The following ST7 variants were observed in gnomAD, a reference collection of about 807,000 sequenced individuals.
ST7 encodes the protein suppression of tumorigenicity 7.
ST7 carries 28 observed loss-of-function variants against 78.7 expected under a neutral mutation model. The observed-to-expected ratio is 0.36, with a 90% CI of 0.26 to 0.49. The LOEUF (loss-of-function observed/expected upper bound fraction) is 0.49. ST7 is among the 20% of genes least tolerant of loss of function. The pLI is 0.99. For missense variants in ST7, 418 were observed against 696.0 expected, an observed-to-expected ratio of 0.60 and a Z score of 4.49; for synonymous variants, 247 against 249.6, an observed-to-expected ratio of 0.99 and a Z score of 0.10.
intron 1 of ST7, among the ~76,000 whole-genome samples, chr7:116,996,914 C>T (rs1794685295): frequency 6.6e-6 from 1 of 152,178 alleles, no homozygotes. Context: ...AGAAATATCC[C>T]ATACCCTATG....
intron 1 of ST7, among the ~76,000 whole-genome samples, chr7:117,088,488 A>T (rs988316817): frequency 6.6e-6 from 1 of 152,212 alleles, no homozygotes; most frequent in African/African-American, 2.4e-5. Flanking sequence ...TACATTTCTT[A>T]GTTATTTCCA....
At chr7:117,089,627 A>G (rs1172842443) in intron 1 of ST7, among the ~76,000 whole-genome samples, 1 of 148,878 alleles carries the variant, frequency 6.7e-6, no homozygotes, top group African/African-American at 2.5e-5. Context: ...GCTGGAGTGC[A>G]ATGGCGCGAT....
At chr7:117,227,786 G>A (rs770920530) in intron 15 of ST7, among the ~76,000 whole-genome samples, 33 of 152,244 alleles carry the variant, frequency 2.2e-4, no homozygotes, top group Non-Finnish European at 3.7e-4. Context: ...AACTGAAAAA[G>A]ATAGGCCATC....
chr7:117,108,994 T>C (rs971926496), intron 2 of ST7, among the ~76,000 whole-genome samples: 3 of 152,178 alleles, frequency 2.0e-5, no homozygotes, highest in Non-Finnish European at 4.4e-5. Flanking sequence ...CCTGGGAGCT[T>C]TTTGGATGAG....
chr7:117,072,756 T>G (rs1249489421), intron 1 of ST7: 1 of 152,208 alleles, frequency 6.6e-6, no homozygotes, highest in Non-Finnish European at 1.5e-5. Context: ...TGTCACTTCT[T>G]GGGTTCTGGC....
At chr7:117,028,716 T>A (rs1395247591) in intron 1 of ST7, among the ~76,000 whole-genome samples, 1 of 152,230 alleles carries the variant, frequency 6.6e-6, no homozygotes, top group Admixed American at 6.5e-5. Context: ...GTGGGTTGAC[T>A]GGACTCCATT....
intron 1 of ST7, among the ~76,000 whole-genome samples, chr7:117,064,842 G>A (rs2116466406): frequency 1.3e-5 from 2 of 152,294 alleles, no homozygotes; most frequent in South Asian, 4.2e-4. Flanking sequence ...CCATGGAACA[G>A]GAGTTGATGG....
intron 1 of ST7, among the ~76,000 whole-genome samples, chr7:117,059,670 A>T (rs757748663): frequency 1.3e-5 from 2 of 151,948 alleles, no homozygotes; most frequent in Non-Finnish European, 2.9e-5. Context: ...TGTGGATCTT[A>T]ATATTAAATC....
At chr7:116,980,813 G>A (rs1018927663) in intron 1 of ST7, among the ~76,000 whole-genome samples, 1 of 152,174 alleles carries the variant, frequency 6.6e-6, no homozygotes, top group African/African-American at 2.4e-5. Flanking sequence ...AATAACCACA[G>A]TATACTCATC....
intron 1 of ST7, among the ~76,000 whole-genome samples, chr7:116,973,494 C>A (rs960346326): frequency 6.6e-6 from 1 of 152,124 alleles, no homozygotes; most frequent in Non-Finnish European, 1.5e-5. Flanking sequence ...TGGGCTCAAG[C>A]GATGCTACTG....
At chr7:116,973,447 G>T (rs1793540059) in intron 1 of ST7, among the ~76,000 whole-genome samples, 1 of 152,110 alleles carries the variant, frequency 6.6e-6, no homozygotes, top group African/African-American at 2.4e-5. Context: ...TGTAAAGATG[G>T]GGTCTCCCCA....
chr7:117,096,312 C>G (rs1801038910), intron 1 of ST7, among the ~76,000 whole-genome samples: 1 of 152,174 alleles, frequency 6.6e-6, no homozygotes. Flanking sequence ...ACTAGATTCT[C>G]CCCCTTCTCA....
At chr7:117,084,020 T>A (rs990825675) in intron 1 of ST7, among the ~76,000 whole-genome samples, 1 of 152,204 alleles carries the variant, frequency 6.6e-6, no homozygotes, top group African/African-American at 2.4e-5. Flanking sequence ...AATACTTGAG[T>A]CTGAGATTCT....
chr7:116,971,989 G>A (rs758076781), intron 1 of ST7, among the ~76,000 whole-genome samples: 25 of 152,284 alleles, frequency 1.6e-4, no homozygotes, highest in Admixed American at 5.9e-4. Flanking sequence ...TGGAATCTCC[G>A]GGAAGAGGCA....
intron 3 of ST7, among the ~76,000 whole-genome samples, chr7:117,121,521 T>C (rs1803362344): frequency 6.6e-6 from 1 of 152,218 alleles, no homozygotes; most frequent in African/African-American, 2.4e-5. Context: ...TAGACAGTTA[T>C]GAAATGTGGA....
chr7:117,097,908 A>ATATATATATATATATTTTTTTTTT, intron 1 of ST7, among the ~76,000 whole-genome samples: 12 of 30,010 alleles, frequency 4.0e-4, no homozygotes, highest in Non-Finnish European at 6.5e-4. Flanking sequence ...ATATATATAT[A>ATATATATATATATATTTTTTTTTT]TTTTTTTTTT....
At chr7:117,086,997 C>T (rs1800197538) in intron 1 of ST7, among the ~76,000 whole-genome samples, 1 of 152,312 alleles carries the variant, frequency 6.6e-6, no homozygotes, top group South Asian at 2.1e-4. Flanking sequence ...GTGGGTTACA[C>T]ACCCTCACCC....
At chr7:117,222,951 G>C (rs1258253377) in intron 15 of ST7, 1 of 1,613,730 alleles carries the variant, frequency 6.2e-7, no homozygotes, top group Admixed American at 1.7e-5. Flanking sequence ...AATCCCTCCG[G>C]CACCTCAATC....
chr7:116,979,627 T>G (rs992945179), intron 1 of ST7, among the ~76,000 whole-genome samples: 5 of 152,200 alleles, frequency 3.3e-5, no homozygotes, highest in Admixed American at 6.5e-5. Context: ...AATCTCTCTT[T>G]GCTTCCTACT....
Sources: gnomAD v4.1 joint callset for allele counts (sites outside exome capture counted in the v4.1 genomes callset) on GRCh38, gnomAD v4.1.1 for gene constraint, MANE v1.5 for transcripts, NCBI Gene and HGNC (gene_info 2026-07-23, HGNC 2026-07-21) for gene names.